The following P2RY12 variants were observed in gnomAD, a reference collection of about 807,000 sequenced individuals.
P2RY12 encodes the protein purinergic receptor P2Y12.
In P2RY12, 3 loss-of-function variants were observed where a neutral mutation model predicts 4.5. The observed-to-expected ratio is 0.67, with a 90% CI of 0.31 to 1.74. The LOEUF is 1.74. P2RY12 is among the 40% of genes most tolerant of loss of function. The probability of loss-of-function intolerance (pLI) is 0.09; values close to 1 mark genes in which losing one functional copy is unlikely to be tolerated. For missense variants in P2RY12, 356 were observed against 407.8 expected (o/e 0.87, Z 1.09); for synonymous variants, 148 against 154.1 (o/e 0.96, Z 0.29).
intron 1 of P2RY12, among the ~76,000 whole-genome samples, chr3:151,351,744 A>G (rs956444191): frequency 2.0e-5 from 3 of 152,148 alleles, no homozygotes; most frequent in Non-Finnish European, 4.4e-5. Flanking sequence ...TTATTTTTAG[A>G]GGGTCTTTCC....
At chr3:151,377,783 C>A (rs945132061) in intron 1 of P2RY12, among the ~76,000 whole-genome samples, 2 of 152,138 alleles carry the variant, frequency 1.3e-5, no homozygotes, top group African/African-American at 4.8e-5. Flanking sequence ...AGTTTAGTTA[C>A]AATATCCTTC....
chr3:151,382,933 C>T (rs1191354325), intron 1 of P2RY12, among the ~76,000 whole-genome samples: 2 of 152,188 alleles, frequency 1.3e-5, no homozygotes, highest in African/African-American at 4.8e-5. Context: ...CCTGTCTGGT[C>T]AGACATCTAG....
At chr3:151,353,969 G>GTCTC (rs1161052872) in intron 1 of P2RY12, among the ~76,000 whole-genome samples, 1 of 149,508 alleles carries the variant, frequency 6.7e-6, no homozygotes, top group Non-Finnish European at 1.5e-5. Context: ...GTGAAACCCC[G>GTCTC]TCTCTACTAA....
rs754485666 is a variant in P2RY12 at position 151,338,307 on chromosome 3, G to A, written c.539C>T (p.Ser180Leu). ...TTCATGCCAGACTAGACCGAACTCTGATTTAAGGAAAGAGCATTTCTTCAC... is the reference window on the plus strand; with the variant it reads ...TTCATGCCAGACTAGACCGAACTCTAATTTAAGGAAAGAGCATTTCTTCAC... The part of the protein sequence containing the change: ...KNVKKCSFLK[S>L]EFGLVWHEIV... Residue 180 changes from serine (S) to leucine (L), a missense_variant, in exon 3 of 3, where the codon TCA becomes TTA. By Grantham distance (145) the Ser-to-Leu change is moderately radical (BLOSUM62 -2). Coordinates refer to ENST00000302632, the MANE Select transcript of P2RY12 (RefSeq NM_022788.5). 1 of 1,614,090 alleles carries A rather than the reference G, an allele frequency of 6.2e-7. No homozygotes were observed. The highest frequency in any genetic ancestry group is 8.5e-7 in the Non-Finnish European group (1 of 1,180,002).
intron 1 of P2RY12, chr3:151,372,600 C>G (rs760737619): frequency 8.7e-6 from 14 of 1,613,742 alleles, no homozygotes; most frequent in Non-Finnish European, 1.1e-5. Flanking sequence ...AGTGTCAGCT[C>G]TTTAAAGAAT....
At chr3:151,380,080 CT>C in intron 1 of P2RY12, 1 of 1,320,168 alleles carries the variant, frequency 7.6e-7, no homozygotes, top group Non-Finnish European at 1.1e-6. Flanking sequence ...TTATTTCTAA[CT>C]AGATCTGTTG....
intron 1 of P2RY12, among the ~76,000 whole-genome samples, chr3:151,374,320 G>T (rs1232371933): frequency 2.0e-5 from 3 of 152,164 alleles, no homozygotes; most frequent in Non-Finnish European, 4.4e-5. Context: ...GGCTGAGGCA[G>T]GTGGATCACT....
At chr3:151,366,285 A>G (rs1174026443) in intron 1 of P2RY12, among the ~76,000 whole-genome samples, 1 of 152,162 alleles carries the variant, frequency 6.6e-6, no homozygotes, top group Non-Finnish European at 1.5e-5. Flanking sequence ...TGGTCTCTTC[A>G]GAGCTGTTTT....
At chr3:151,348,573 C>CTT (rs542135245) in intron 1 of P2RY12, among the ~76,000 whole-genome samples, 18 of 132,414 alleles carry the variant, frequency 1.4e-4, no homozygotes, top group African/African-American at 3.3e-4. Flanking sequence ...CTCCTAGCTT[C>CTT]TTTTTTTTTT....
chr3:151,368,260 A>G (rs774040664), intron 1 of P2RY12: 1 of 1,609,668 alleles, frequency 6.2e-7, no homozygotes, highest in South Asian at 1.1e-5. Context: ...GGGTGAGCTG[A>G]CTGCAGAAAA....
chr3:151,375,412 T>C (rs1756707330), intron 1 of P2RY12, among the ~76,000 whole-genome samples: 1 of 152,142 alleles, frequency 6.6e-6, no homozygotes, highest in African/African-American at 2.4e-5. Context: ...AATAGGAGTT[T>C]AAATTGGTAG....
At chr3:151,358,550 G>T (rs1205151561) in intron 1 of P2RY12, among the ~76,000 whole-genome samples, 1 of 151,804 alleles carries the variant, frequency 6.6e-6, no homozygotes, top group East Asian at 1.9e-4. Context: ...GAATTTAATG[G>T]GTTGTGACAA....
At chr3:151,366,174 A>C (rs1755245632) in intron 1 of P2RY12, among the ~76,000 whole-genome samples, 1 of 152,222 alleles carries the variant, frequency 6.6e-6, no homozygotes, top group African/African-American at 2.4e-5. Context: ...CATGAAAAAA[A>C]ATAGAAATAA....
chr3:151,367,148 T>G (rs1755385046), intron 1 of P2RY12, among the ~76,000 whole-genome samples: 1 of 152,182 alleles, frequency 6.6e-6, no homozygotes, highest in Admixed American at 6.5e-5. Context: ...AAGAGTCAAT[T>G]GGAAACTTTC....
chr3:151,353,820 CTT>C (rs1753549319), intron 1 of P2RY12, among the ~76,000 whole-genome samples: 1 of 152,158 alleles, frequency 6.6e-6, no homozygotes, highest in Non-Finnish European at 1.5e-5. Context: ...GAGTAGAACT[CTT>C]GTCTTGGTAG....
At chr3:151,372,658 T>C (rs1440511297) in intron 1 of P2RY12, 2 of 1,613,788 alleles carry the variant, frequency 1.2e-6, no homozygotes, top group Non-Finnish European at 1.7e-6. Flanking sequence ...ATGCTGATGA[T>C]ATCTGGACTG....
chr3:151,366,279 C>T (rs1416716960), intron 1 of P2RY12, among the ~76,000 whole-genome samples: 3 of 152,170 alleles, frequency 2.0e-5, no homozygotes, highest in African/African-American at 4.8e-5. Context: ...TATGGATGGT[C>T]TCTTCAGAGC....
chr3:151,383,991 A>C (rs1167919921), intron 1 of P2RY12: 3 of 1,496,786 alleles, frequency 2.0e-6, no homozygotes, highest in Non-Finnish European at 2.7e-6. Flanking sequence ...CTTGGATGCT[A>C]TTAAAAATTC....
chr3:151,368,794 C>G (rs541611749), intron 1 of P2RY12, among the ~76,000 whole-genome samples: 85 of 141,712 alleles, frequency 6.0e-4, no homozygotes, highest in African/African-American at 2.1e-3. Flanking sequence ...CAAAGTCTTA[C>G]TGTGTCACCC....
Sources: gnomAD v4.1 joint callset for allele counts (sites outside exome capture counted in the v4.1 genomes callset) on GRCh38, gnomAD v4.1.1 for gene constraint, MANE v1.5 for transcripts, NCBI Gene and HGNC (gene_info 2026-07-23, HGNC 2026-07-21) for gene names.